The following GRIK2 variants were observed in gnomAD, a reference collection of about 807,000 sequenced individuals.
GRIK2 encodes the protein glutamate receptor ionotropic, kainate 2.
In GRIK2, 32 loss-of-function variants were observed where a neutral mutation model predicts 100.3. The ratio of observed to expected loss-of-function variants is 0.32; its 90% CI spans 0.24 to 0.43. The LOEUF (loss-of-function observed/expected upper bound fraction) is 0.43. GRIK2 is among the 20% of genes least tolerant of loss of function. GRIK2 has a pLI of 1.00. For missense variants in GRIK2, 843 were observed against 1,114.9 expected (o/e 0.76, Z 3.47); for synonymous variants, 417 against 389.4 (o/e 1.07, Z -0.83).
At chr6:101,997,344 C>G (rs571865883) in intron 14 of GRIK2, among the ~76,000 whole-genome samples, 1 of 152,012 alleles carries the variant, frequency 6.6e-6, no homozygotes, top group African/African-American at 2.4e-5. Context: ...ACCACTCTAA[C>G]GTACATTAGT....
rs1770221287 is a variant in GRIK2, at chr6:102,035,509, C to T, written c.2254C>T (p.Leu752=). 5.6e-6 allele frequency: 9 copies of T among 1,610,038 alleles called. No individual in the cohort carries two copies. Among genetic ancestry groups the T allele is most frequent in the Non-Finnish European group, 7.6e-6 (9 of 1,177,242 alleles). ...IEFVTQRNCN[L]TQIGGLIDSK... is the part of the protein sequence containing the mutation. ...GTTTGTTACCCAGCGGAACTGTAAC[C>T]TGACACAGATTGGCGGCCTTATAGA... Residue 752 remains leucine, a synonymous_variant, in exon 15 of 17, where the codon CTG becomes TTG. Transcript: ENST00000369134.
intron 14 of GRIK2, among the ~76,000 whole-genome samples, chr6:102,014,664 T>A (rs1264205641): frequency 6.6e-6 from 1 of 152,186 alleles, no homozygotes; most frequent in Non-Finnish European, 1.5e-5. Flanking sequence ...AAAGAACTTC[T>A]TGATTTCTGC....
Position 101,448,302 on chromosome 6 carries a change from C to T in GRIK2, c.115+48910C>T, listed in dbSNP as rs113234842. Among the ~76,000 whole-genome samples the T allele has an allele frequency of 2.4e-3, 369 of 151,640 alleles. 2 individuals carry two copies. The highest frequency in any genetic ancestry group is 8.5e-3 in the African/African-American group (354 of 41,464). On this transcript the variant is annotated intron_variant, in intron 2 of 16. Transcript: ENST00000369134. The stretch of plus-strand genomic sequence containing the variant: ...ACATTAAACTGTCCATATATCTGAG[C>T]ACCAAAATAAGTTGATAAATATATT...
chr6:101,818,259 G>C lies in GRIK2; in HGVS notation c.1204-111G>C, dbSNP rs148453306. The C allele has an allele frequency of 9.3e-4, 587 of 632,250 alleles. 3 individuals are homozygous for C. The East Asian group carries it at 0.014, about 15-fold the overall frequency. 39.2% of individuals were successfully genotyped at this position (632,250 alleles called of 1,614,324 possible). A position where few individuals can be genotyped will look rare whatever the true frequency, so the allele number is the denominator to read the frequency against. On this transcript the variant is annotated intron_variant, in intron 9 of 16. Coordinates refer to ENST00000369134, the MANE Select transcript of GRIK2 (RefSeq NM_021956.5). ...AGCTGCCTTTACTTTAACGGCAGCA[G>C]ACAATGCAGCAAAGGTGAATAATAA...
intron 2 of GRIK2, among the ~76,000 whole-genome samples, chr6:101,502,901 A>G (rs1773837210): frequency 6.6e-6 from 1 of 152,106 alleles, no homozygotes; most frequent in African/African-American, 2.4e-5. Flanking sequence ...AATTCTATGG[A>G]GGACTTCAGG....
rs115110358 is a variant in GRIK2 at position 101,660,844 on chromosome 6, G to A, written c.542-15779G>A. On this transcript the variant is annotated intron_variant, in intron 4 of 16. Transcript: ENST00000369134. ...AAGATTGCTGCCAGTTCATTCCTCT[G>A]GAAGCTTCATCCCAGATGGGCATCT... Among the ~76,000 whole-genome samples, 1,454 of 152,178 alleles carry A rather than the reference G, an allele frequency of 9.6e-3. 11 individuals carry two copies. Among genetic ancestry groups the A allele is most frequent in the African/African-American group, 0.024 (1,017 of 41,528 alleles).
At chr6:101,717,673 C>T (rs969233923) in intron 7 of GRIK2, among the ~76,000 whole-genome samples, 1 of 151,720 alleles carries the variant, frequency 6.6e-6, no homozygotes, top group East Asian at 1.9e-4. Flanking sequence ...TAATTATTGC[C>T]AGTGAATAGT....
intron 2 of GRIK2, among the ~76,000 whole-genome samples, chr6:101,471,107 G>A (rs1771924793): frequency 6.6e-6 from 1 of 151,340 alleles, no homozygotes; most frequent in Non-Finnish European, 1.5e-5. Context: ...TTTTTTATTT[G>A]CATACACATC....
intron 12 of GRIK2, among the ~76,000 whole-genome samples, chr6:101,904,845 T>A (rs1222074940): frequency 6.6e-6 from 1 of 151,538 alleles, no homozygotes; most frequent in East Asian, 1.9e-4. Context: ...TCTTTATAAA[T>A]GATCAGTACT....
chr6:102,035,117 A>G lies in GRIK2; in HGVS notation c.2086-224A>G, dbSNP rs532174491. On this transcript the variant is annotated intron_variant, in intron 14 of 16. Coordinates refer to ENST00000369134, the MANE Select transcript of GRIK2 (RefSeq NM_021956.5). ...AGATTTTTAAAAATATATTTGTTAAATAAATCTATACTATACCTAGAAATA... is the reference window on the plus strand; with the variant it reads ...AGATTTTTAAAAATATATTTGTTAAGTAAATCTATACTATACCTAGAAATA... 2.0e-3 allele frequency among the ~76,000 whole-genome samples: 304 copies of G among 150,946 alleles called. 1 individual carries two copies. Among genetic ancestry groups the G allele is most frequent in the African/African-American group, 6.3e-3 (260 of 41,336 alleles).
chr6:101,770,930 T>C lies in GRIK2; in HGVS notation c.952-28718T>C, dbSNP rs59626100. 3.0e-3 allele frequency among the ~76,000 whole-genome samples: 452 copies of C among 152,306 alleles called. 4 individuals carry two copies. Among genetic ancestry groups the C allele is most frequent in the African/African-American group, 8.5e-3 (355 of 41,570 alleles). ...CCTAAAATTTTCCTAGTAAATTGAA[T>C]GTTTTTCTACAAAAATGTCTTAAAA... On this transcript the variant is annotated intron_variant, in intron 7 of 16. Transcript: ENST00000369134.
chr6:101,922,271 G>A (rs555216877), intron 12 of GRIK2, among the ~76,000 whole-genome samples: 21 of 151,912 alleles, frequency 1.4e-4, no homozygotes, highest in African/African-American at 4.8e-4. Flanking sequence ...CTACAACCAC[G>A]TCTCATTCCT....
chr6:101,780,188 G>A (rs1487250272), intron 7 of GRIK2, among the ~76,000 whole-genome samples: 1 of 122,374 alleles, frequency 8.2e-6, no homozygotes, highest in East Asian at 1.6e-3. Flanking sequence ...TCCCAGCTCA[G>A]AGATGTATTC....
intron 14 of GRIK2, among the ~76,000 whole-genome samples, chr6:101,982,691 T>G (rs1378839996): frequency 6.6e-6 from 1 of 151,430 alleles, no homozygotes; most frequent in Non-Finnish European, 1.5e-5. Context: ...AATCCAGAAT[T>G]TCTTCAGTGC....
At chr6:101,613,275 T>C (rs911855652) in intron 2 of GRIK2, among the ~76,000 whole-genome samples, 1 of 151,768 alleles carries the variant, frequency 6.6e-6, no homozygotes, top group Admixed American at 6.6e-5. Flanking sequence ...GTGGGGTATC[T>C]ATGAGGTTAT....
At chr6:101,606,455 C>T (rs555507485) in intron 2 of GRIK2, among the ~76,000 whole-genome samples, 2 of 151,812 alleles carry the variant, frequency 1.3e-5, no homozygotes, top group Non-Finnish European at 2.9e-5. Context: ...TTGTGCTGGG[C>T]GCTGGAGTTA....
intron 4 of GRIK2, among the ~76,000 whole-genome samples, chr6:101,652,622 AACTT>A (rs1386624869): frequency 1.3e-5 from 2 of 152,202 alleles, no homozygotes; most frequent in African/African-American, 4.8e-5. Flanking sequence ...GTCAAGATAA[AACTT>A]AATTAAAATT....
chr6:101,596,642 T>C (rs1466020076), intron 2 of GRIK2, among the ~76,000 whole-genome samples: 1 of 151,680 alleles, frequency 6.6e-6, no homozygotes, highest in Non-Finnish European at 1.5e-5. Context: ...TAGCACCTCA[T>C]TTACTTTTGA....
At chr6:101,439,188 G>A (rs1323053898) in intron 2 of GRIK2, among the ~76,000 whole-genome samples, 2 of 152,058 alleles carry the variant, frequency 1.3e-5, no homozygotes, top group African/African-American at 2.4e-5. Flanking sequence ...TATATCATAT[G>A]GATTATTCTT....
Sources: allele counts gnomAD v4.1 joint callset (sites outside exome capture counted in the v4.1 genomes callset), GRCh38; gene constraint gnomAD v4.1.1; transcripts MANE v1.5; gene names NCBI Gene and HGNC (gene_info 2026-07-23, HGNC 2026-07-21).